The following UNC13C variants were observed in gnomAD, a reference collection of about 807,000 sequenced individuals.
UNC13C encodes protein unc-13 homolog C.
A neutral mutation model predicts 245.4 loss-of-function variants in UNC13C; 174 were observed. The ratio of observed to expected loss-of-function variants is 0.71; its 90% CI spans 0.63 to 0.80. The LOEUF is 0.80. Among genes scored for constraint, UNC13C ranks in the 30% least tolerant of loss-of-function variants. UNC13C has a pLI of 0.00. For missense variants in UNC13C, 2,829 were observed against 2,602.9 expected (o/e 1.09, Z -1.89); for synonymous variants, 992 against 895.1 (o/e 1.11, Z -1.93).
At chr15:54,463,810 A>T (rs1736042566) in intron 19 of UNC13C, among the ~76,000 whole-genome samples, 1 of 152,194 alleles carries the variant, frequency 6.6e-6, no homozygotes, top group Non-Finnish European at 1.5e-5. Context: ...GTCAAAAGGC[A>T]GAATTCTTGA....
chr15:54,023,508 G>A (rs757797696), intron 2 of UNC13C, among the ~76,000 whole-genome samples: 1 of 152,196 alleles, frequency 6.6e-6, no homozygotes, highest in African/African-American at 2.4e-5. Flanking sequence ...CTGGGGAGGT[G>A]ATGCTAGTCA....
At chr15:54,386,845 G>T (rs2039848658) in intron 17 of UNC13C, among the ~76,000 whole-genome samples, 2 of 152,186 alleles carry the variant, frequency 1.3e-5, no homozygotes, top group East Asian at 3.8e-4. Flanking sequence ...ATCTGGAAGA[G>T]AGAAGAGGGG....
At chr15:54,192,734 T>C (rs993448911) in intron 4 of UNC13C, among the ~76,000 whole-genome samples, 19 of 152,174 alleles carry the variant, frequency 1.2e-4, no homozygotes, top group African/African-American at 3.4e-4. Context: ...TTGAGATCTG[T>C]AGCTGTAGCA....
At chr15:53,859,479 A>G in the UNC13C span, among the ~76,000 whole-genome samples, 1 of 152,206 alleles carries the variant, frequency 6.6e-6, no homozygotes, top group East Asian at 1.9e-4. Flanking sequence ...TAAACAAAAC[A>G]AATTCTTTGC....
intron 6 of UNC13C, 146 bp downstream of exon 6, chr15:54,236,581 C>A (rs1470545754): frequency 1.5e-6 from 1 of 648,820 alleles, no homozygotes; most frequent in Non-Finnish European, 2.5e-6. Context: ...AAGAATTTAA[C>A]CTCTGGTTCA....
chr15:54,579,122 A>C (rs1162728416), intron 30 of UNC13C, among the ~76,000 whole-genome samples: 1 of 152,320 alleles, frequency 6.6e-6, no homozygotes, highest in East Asian at 1.9e-4. Context: ...CGGCAGTAAA[A>C]TAGGCAAGTG....
At chr15:53,967,809 G>A in the UNC13C span, among the ~76,000 whole-genome samples, 7 of 152,130 alleles carry the variant, frequency 4.6e-5, no homozygotes, top group African/African-American at 1.4e-4. Context: ...GTTGAAATTC[G>A]TTTGGTGGTT....
At chr15:54,571,440 TGTG>T (rs905113929) in intron 30 of UNC13C, among the ~76,000 whole-genome samples, 20 of 152,150 alleles carry the variant, frequency 1.3e-4, no homozygotes, top group Non-Finnish European at 1.5e-5. Context: ...TCCCATGACG[TGTG>T]GGAATTATGG....
intron 14 of UNC13C, among the ~76,000 whole-genome samples, chr15:54,329,293 T>C (rs2038379833): frequency 6.6e-6 from 1 of 151,998 alleles, no homozygotes; most frequent in Non-Finnish European, 1.5e-5. Context: ...AACATTCCAA[T>C]TCCACTCTTT....
intron 21 of UNC13C, among the ~76,000 whole-genome samples, chr15:54,500,537 TGAGCCACAAC>T (rs1243521109): frequency 5.3e-5 from 8 of 152,046 alleles, no homozygotes; most frequent in Non-Finnish European, 8.8e-5. Flanking sequence ...CCCAAAATCG[TGAGCCACAAC>T]CGTCTTGCTA....
chr15:54,615,466 C>T (rs538378178), intron 30 of UNC13C, among the ~76,000 whole-genome samples: 1 of 152,106 alleles, frequency 6.6e-6, no homozygotes, highest in South Asian at 2.1e-4. Context: ...CTGATGCTCT[C>T]ATCCTTCAAG....
At chr15:54,239,310 A>T (rs921784508) in intron 7 of UNC13C, among the ~76,000 whole-genome samples, 2 of 152,190 alleles carry the variant, frequency 1.3e-5, no homozygotes, top group South Asian at 2.1e-4. Context: ...TCCCCTACCC[A>T]GTACATATCA....
At chr15:53,940,420 C>A in the UNC13C span, among the ~76,000 whole-genome samples, 24 of 152,028 alleles carry the variant, frequency 1.6e-4, no homozygotes, top group East Asian at 4.5e-3. Flanking sequence ...ATAAGGATGC[C>A]CTCTCCCACC....
intron 2 of UNC13C, among the ~76,000 whole-genome samples, chr15:54,114,372 AG>A (rs2141181181): frequency 6.6e-6 from 1 of 152,264 alleles, no homozygotes; most frequent in Non-Finnish European, 1.5e-5. Flanking sequence ...CCATCCTTCC[AG>A]GTTATGTTGC....
the UNC13C span, among the ~76,000 whole-genome samples, chr15:53,925,482 G>C: frequency 1.8e-4 from 27 of 152,150 alleles, no homozygotes; most frequent in Admixed American, 1.8e-3. Flanking sequence ...AAGGACTTCT[G>C]AGGTGAGAAA....
chr15:54,514,102 A>T (rs72738431), intron 24 of UNC13C, among the ~76,000 whole-genome samples: 31,955 of 152,190 alleles, frequency 0.21, 3,490 homozygotes, highest in Middle Eastern at 0.3. Context: ...ACAGAATTTC[A>T]AAATAATAAG....
the UNC13C span, among the ~76,000 whole-genome samples, chr15:53,856,547 T>C: frequency 6.6e-6 from 1 of 152,196 alleles, no homozygotes; most frequent in African/African-American, 2.4e-5. Context: ...AATTTCATTA[T>C]TTACCCAAGA....
chr15:53,886,954 A>C, the UNC13C span, among the ~76,000 whole-genome samples: 2 of 152,172 alleles, frequency 1.3e-5, no homozygotes, highest in Admixed American at 6.5e-5. Context: ...GTCATCAAAA[A>C]CAAGGAAAAA....
At chr15:54,471,382 A>G (rs1892454295) in intron 19 of UNC13C, among the ~76,000 whole-genome samples, 1 of 151,606 alleles carries the variant, frequency 6.6e-6, no homozygotes, top group South Asian at 2.1e-4. Context: ...AGGTGCTTCA[A>G]AGTTGGGTGT....
Sources: allele counts gnomAD v4.1 joint callset (sites outside exome capture counted in the v4.1 genomes callset), GRCh38; gene constraint gnomAD v4.1.1; transcripts MANE v1.5; gene names NCBI Gene and HGNC (gene_info 2026-07-23, HGNC 2026-07-21).